Variants in SMG1 observed in about 807,000 individuals in gnomAD.
SMG1 encodes SMG1 nonsense mediated mRNA decay associated PI3K related kinase, also known as serine/threonine-protein kinase SMG1.
Under a neutral mutation model 419.9 loss-of-function variants are expected in SMG1, and 22 were observed. That is an observed-to-expected ratio of 0.05 (90% CI 0.04 to 0.07). The LOEUF (loss-of-function observed/expected upper bound fraction) is 0.07. Ranked by LOEUF, SMG1 falls within the 10% of genes least tolerant of loss-of-function variation. SMG1 has a pLI of 1.00. For missense variants in SMG1, 3,185 were observed against 4,342.0 expected (o/e 0.73, Z 7.49); for synonymous variants, 1,538 against 1,553.5 (o/e 0.99, Z 0.23).
rs1401313769 is a variant in SMG1 at position 18,896,410 on chromosome 16, C to T, written c.257-203G>A. The stretch of plus-strand genomic sequence containing the variant: ...AGTTAAATTAATTTTATTTTGATCC[C>T]TTCATTGGAAAATAAGCAAAGAAAT... On this transcript the variant is annotated intron_variant, in intron 2 of 62. Transcript: ENST00000446231. Among the ~76,000 whole-genome samples the T allele has an allele frequency of 2.0e-5, 3 of 152,084 alleles. No homozygotes were observed. The South Asian group carries it at 6.2e-4, about 31-fold the overall frequency.
chr16:18,888,882 G>A (rs2036756904), intron 6 of SMG1, among the ~76,000 whole-genome samples: 1 of 147,596 alleles, frequency 6.8e-6, no homozygotes, highest in Non-Finnish European at 1.5e-5. Flanking sequence ...GAGTGCAGTG[G>A]CGTGATCTCG....
chr16:18,863,626 A>G (rs746253861), intron 25 of SMG1, 24 bp downstream of exon 25: 4 of 1,586,674 alleles, frequency 2.5e-6, no homozygotes, highest in Middle Eastern at 2.3e-4. Context: ...AATTTGTTTT[A>G]TAACTGGAAA....
Position 18,885,486 on chromosome 16 carries a change from C to T in SMG1, c.948+55G>A. On this transcript the variant is annotated intron_variant, in intron 7 of 62. Coordinates refer to ENST00000446231, the MANE Select transcript of SMG1 (RefSeq NM_015092.5). ...TTCCATCTGTTTCCTCAGATCCTCA[C>T]ACACACAACCATCCCCCTCACCCCA... 3.1e-6 allele frequency: 5 copies of T among 1,589,536 alleles called. No individual in the cohort carries two copies. The South Asian group carries it at 5.5e-5, about 18-fold the overall frequency.
intron 57 of SMG1, among the ~76,000 whole-genome samples, 166 bp downstream of exon 57, chr16:18,817,118 CGGGGGGG>C (rs11332992): frequency 4.6e-5 from 4 of 87,608 alleles, no homozygotes; most frequent in African/African-American, 2.4e-4. Flanking sequence ...TGTTTCGGGG[CGGGGGGG>C]GGGGCGCTAA....
At chr16:18,908,275 G>A (rs2037650518) in intron 1 of SMG1, among the ~76,000 whole-genome samples, 1 of 151,650 alleles carries the variant, frequency 6.6e-6, no homozygotes, top group Non-Finnish European at 1.5e-5. Context: ...GGCTGAGGCA[G>A]GAGAATCGCT....
At chr16:18,871,808 G>A (rs887129863) in intron 15 of SMG1, among the ~76,000 whole-genome samples, 2 of 151,748 alleles carry the variant, frequency 1.3e-5, no homozygotes, top group East Asian at 3.9e-4. Context: ...GTGTGGTGGC[G>A]GGCACCTGTA....
At chr16:18,836,328 C>A in intron 47 of SMG1, 32 bp downstream of exon 47, 2 of 1,604,548 alleles carry the variant, frequency 1.2e-6, no homozygotes, top group South Asian at 2.2e-5. Context: ...CTCATAGTTT[C>A]ACATGTGAAT....
At chr16:18,891,066 G>C in intron 4 of SMG1, 145 bp from the exon 5 acceptor site, 1 of 617,228 alleles carries the variant, frequency 1.6e-6, no homozygotes, top group Non-Finnish European at 3.0e-6. Flanking sequence ...CAATGAGCAT[G>C]TATCAGGAAT....
chr16:18,810,554 C>T (rs1567305494), intron 62 of SMG1, among the ~76,000 whole-genome samples: 1 of 152,118 alleles, frequency 6.6e-6, no homozygotes, highest in East Asian at 1.9e-4. Context: ...GCATTTTAGA[C>T]TTATGGATTT....
intron 40 of SMG1, among the ~76,000 whole-genome samples, chr16:18,841,997 C>G (rs1471715452): frequency 1.3e-5 from 2 of 152,144 alleles, no homozygotes; most frequent in Non-Finnish European, 2.9e-5. Context: ...CCTGCTTGTA[C>G]AAGTTCATAC....
chr16:18,827,873 T>TATATATATATATATATATATATATA, intron 55 of SMG1, among the ~76,000 whole-genome samples, 158 bp downstream of exon 55: 2 of 148,056 alleles, frequency 1.4e-5, no homozygotes, highest in African/African-American at 4.9e-5. Context: ...TATATATATA[T>TATATATATATATATATATATATATA]GTATAAATTA....
intron 5 of SMG1, among the ~76,000 whole-genome samples, chr16:18,890,384 T>A (rs1275727265): frequency 6.6e-6 from 1 of 152,194 alleles, no homozygotes; most frequent in Admixed American, 6.5e-5. Flanking sequence ...ATGCCTGTAA[T>A]CCCAACACTT....
At chr16:18,873,508 G>T (rs36054827) in intron 13 of SMG1, among the ~76,000 whole-genome samples, 46,903 of 152,106 alleles carry the variant, frequency 0.31, 7,972 homozygotes, top group Non-Finnish European at 0.38. Flanking sequence ...GAACCACTGC[G>T]CCCAGCCCAA....
At chr16:18,827,941 A>G in intron 55 of SMG1, 90 bp downstream of exon 55, 1 of 1,381,744 alleles carries the variant, frequency 7.2e-7, no homozygotes, top group Non-Finnish European at 9.8e-7. Flanking sequence ...ACACACAAAT[A>G]GACACACTGA....
chr16:18,848,166 C>G lies in SMG1; in HGVS notation c.5624-133G>C, dbSNP rs754148864. 70 of 702,752 alleles carry G rather than the reference C, an allele frequency of 1.0e-4. No homozygotes were observed. In the South Asian group the frequency reaches 1.1e-3, roughly 11 times the overall value. 43.5% of individuals were successfully genotyped at this position (702,752 alleles called of 1,614,324 possible). On this transcript the variant is annotated intron_variant, in intron 36 of 62. Transcript: ENST00000446231. ...ACTCATTTGCCTTCCAGGCATAGAACTGATTAAAGATTGTGGATATTCTGC... is the reference window on the plus strand; with the variant it reads ...ACTCATTTGCCTTCCAGGCATAGAAGTGATTAAAGATTGTGGATATTCTGC...
At chr16:18,924,759 T>C (rs2142049602) in intron 1 of SMG1, among the ~76,000 whole-genome samples, 1 of 152,312 alleles carries the variant, frequency 6.6e-6, no homozygotes, top group South Asian at 2.1e-4. Context: ...ACACAGTATT[T>C]GGAAAGGCAT....
Position 18,837,243 on chromosome 16 carries a change from T to C in SMG1, c.7604+10A>G, listed in dbSNP as rs745358750. The C allele has an allele frequency of 1.3e-6, 2 of 1,592,898 alleles. No individual in the cohort carries two copies. The highest frequency in any genetic ancestry group is 3.5e-5 in the Admixed American group (2 of 56,372). On this transcript the variant is annotated intron_variant, in intron 46 of 62. Coordinates refer to ENST00000446231, the MANE Select transcript of SMG1 (RefSeq NM_015092.5). Reference sequence around the variant, plus strand: ...GCACATATTTAGAAGAATTCAACACTGTTTTAAACCTGTGTTGCAGAGTAT... The same window carrying C: ...GCACATATTTAGAAGAATTCAACACCGTTTTAAACCTGTGTTGCAGAGTAT...
At chr16:18,813,366 CTGGTG>C (rs1330038954) in intron 60 of SMG1, among the ~76,000 whole-genome samples, 1 of 152,156 alleles carries the variant, frequency 6.6e-6, no homozygotes, top group East Asian at 1.9e-4. Context: ...GCCATTCTAA[CTGGTG>C]TGAGATGGTA....
intron 11 of SMG1, 110 bp downstream of exon 11, chr16:18,879,385 G>A (rs2036286156): frequency 3.0e-6 from 3 of 1,005,978 alleles, no homozygotes; most frequent in Non-Finnish European, 4.5e-6. Flanking sequence ...AAAGTGCTGG[G>A]ATTACAAGCA....
Sources: gnomAD v4.1 joint callset for allele counts (sites outside exome capture counted in the v4.1 genomes callset) on GRCh38, gnomAD v4.1.1 for gene constraint, MANE v1.5 for transcripts, NCBI Gene and HGNC (gene_info 2026-07-23, HGNC 2026-07-21) for gene names.